SEZ6L: variants seen among roughly 807,000 people sequenced by gnomAD.
The protein encoded by SEZ6L is seizure related 6 homolog like.
Under a neutral mutation model 106.2 loss-of-function variants are expected in SEZ6L, and 37 were observed. The ratio of observed to expected loss-of-function variants is 0.35; its 90% CI spans 0.27 to 0.46. The LOEUF is 0.46. SEZ6L is among the 20% of genes least tolerant of loss of function. The probability of loss-of-function intolerance (pLI) is 1.00; values close to 1 mark genes in which losing one functional copy is unlikely to be tolerated. For synonymous variants in SEZ6L, 541 were observed against 570.4 expected (o/e 0.95, Z 0.73); for missense variants, 1,172 against 1,332.8 (o/e 0.88, Z 1.88).
chr22:26,365,502 A>C lies in SEZ6L; in HGVS notation c.2730A>C (p.Glu910Asp). 3 of 1,614,192 alleles carry C rather than the reference A, an allele frequency of 1.9e-6. No individual in the cohort carries two copies. The highest frequency in any genetic ancestry group is 2.5e-6 in the Non-Finnish European group (3 of 1,180,028). Residue 910 changes from glutamate (E) to aspartate (D), a missense_variant, in exon 13 of 17, where the codon GAA (glutamate) becomes GAC (aspartate). Transcript: ENST00000248933. ...MCYEGFELMGEVTIRCILGQP... is the reference protein window; with the variant it reads ...MCYEGFELMGDVTIRCILGQP... ...ACGAAGGCTTTGAGCTCATGGGTGA[A>C]GTGACCATCCGCTGCATCCTGGGAC...
At chr22:26,245,102 G>T (rs973619683) in intron 1 of SEZ6L, among the ~76,000 whole-genome samples, 1 of 152,144 alleles carries the variant, frequency 6.6e-6, no homozygotes, top group Non-Finnish European at 1.5e-5. Context: ...TTGTTGGGGC[G>T]CTCTGGTTTC....
chr22:26,190,919 T>A (rs527725518), intron 1 of SEZ6L, among the ~76,000 whole-genome samples: 67 of 152,324 alleles, frequency 4.4e-4, no homozygotes, highest in Admixed American at 1.1e-3. Flanking sequence ...AGCAGATATG[T>A]TTCTCTCCAG....
intron 5 of SEZ6L, among the ~76,000 whole-genome samples, chr22:26,304,398 AAGAAAGAAAGAAAGAAAG>A (rs1208750901): frequency 6.6e-6 from 1 of 150,432 alleles, no homozygotes; most frequent in Non-Finnish European, 1.5e-5. Context: ...GAAAGAAAGA[AAGAAAGAAAGAAAGAAAG>A]AAAGAAAGAA....
chr22:26,365,861 ACT>A (rs1468364244), intron 13 of SEZ6L, among the ~76,000 whole-genome samples: 2 of 151,212 alleles, frequency 1.3e-5, no homozygotes, highest in African/African-American at 2.4e-5. Flanking sequence ...ACAGAACGAG[ACT>A]CTATCTCAAA....
chr22:26,357,640 T>A (rs1233746962), intron 12 of SEZ6L, among the ~76,000 whole-genome samples: 1 of 152,126 alleles, frequency 6.6e-6, no homozygotes, highest in Non-Finnish European at 1.5e-5. Context: ...AATTTTAAAA[T>A]ATATATATAG....
intron 1 of SEZ6L, among the ~76,000 whole-genome samples, chr22:26,178,120 T>G (rs1471046331): frequency 6.6e-6 from 1 of 152,228 alleles, no homozygotes; most frequent in East Asian, 1.9e-4. Flanking sequence ...TGGCGTCTAT[T>G]ACCCACATGG....
intron 1 of SEZ6L, among the ~76,000 whole-genome samples, chr22:26,266,378 G>GT (rs1227517709): frequency 4.7e-5 from 7 of 149,114 alleles, no homozygotes; most frequent in Admixed American, 2.7e-4. Context: ...GGCTAACACA[G>GT]TGAAACCCCG....
intron 1 of SEZ6L, among the ~76,000 whole-genome samples, chr22:26,287,850 A>G (rs1279049225): frequency 6.6e-6 from 1 of 152,190 alleles, no homozygotes; most frequent in African/African-American, 2.4e-5. Context: ...CTTGTGTATG[A>G]TTAAGGAAAA....
At chr22:26,343,192 T>C (rs2082898791) in intron 10 of SEZ6L, among the ~76,000 whole-genome samples, 1 of 152,154 alleles carries the variant, frequency 6.6e-6, no homozygotes, top group Non-Finnish European at 1.5e-5. Context: ...AGGAAGTCTC[T>C]GGTCTCCTGG....
At chr22:26,357,276 C>A (rs954692323) in intron 12 of SEZ6L, among the ~76,000 whole-genome samples, 17 of 152,128 alleles carry the variant, frequency 1.1e-4, no homozygotes, top group Non-Finnish European at 2.5e-4. Flanking sequence ...CCCACAGCAC[C>A]CCCTGTGAGT....
intron 9 of SEZ6L, among the ~76,000 whole-genome samples, chr22:26,314,808 C>A (rs925413337): frequency 2.0e-5 from 3 of 152,198 alleles, no homozygotes; most frequent in Non-Finnish European, 2.9e-5. Context: ...GAGAACCCCC[C>A]CTGGGAGGTC....
Position 26,332,677 on chromosome 22 carries a change from A to T in SEZ6L, c.2016-7759A>T, listed in dbSNP as rs538472138. On this transcript the variant is annotated intron_variant, in intron 9 of 16. Transcript: ENST00000248933. ...TGCCCAGGCAGGTCTTGAACTCCTG[A>T]ACTCAAGTGATCCTCCAGCCTTGGC... Among the ~76,000 whole-genome samples, 289 of 152,260 alleles carry T rather than the reference A, an allele frequency of 1.9e-3. 2 individuals carry two copies. Among genetic ancestry groups the T allele is most frequent in the African/African-American group, 6.5e-3 (272 of 41,528 alleles).
chr22:26,294,112 G>A (rs2081224029), intron 2 of SEZ6L, among the ~76,000 whole-genome samples, 180 bp from the exon 3 acceptor site: 1 of 152,194 alleles, frequency 6.6e-6, no homozygotes, highest in Non-Finnish European at 1.5e-5. Context: ...TGATCATTCT[G>A]TGTCAATTAT....
At chr22:26,256,746 C>T (rs545969346) in intron 1 of SEZ6L, among the ~76,000 whole-genome samples, 3 of 152,274 alleles carry the variant, frequency 2.0e-5, no homozygotes, top group South Asian at 2.1e-4. Context: ...CAGACCCTTC[C>T]GCAGACCCAC....
intron 1 of SEZ6L, among the ~76,000 whole-genome samples, chr22:26,219,396 A>C (rs2078396175): frequency 6.6e-6 from 1 of 152,076 alleles, no homozygotes; most frequent in South Asian, 2.1e-4. Flanking sequence ...TTTTTTTACA[A>C]AATCTGTTTT....
intron 1 of SEZ6L, among the ~76,000 whole-genome samples, chr22:26,188,385 G>T (rs1235619754): frequency 6.6e-6 from 1 of 152,210 alleles, no homozygotes; most frequent in Admixed American, 6.5e-5. Flanking sequence ...TCATCTCTGA[G>T]CCTCCAAGGG....
At chr22:26,358,560 G>A (rs1390580269) in intron 12 of SEZ6L, among the ~76,000 whole-genome samples, 1 of 152,110 alleles carries the variant, frequency 6.6e-6, no homozygotes, top group Non-Finnish European at 1.5e-5. Flanking sequence ...CTCCAGAAAT[G>A]TACATTTTCT....
chr22:26,194,476 C>G (rs1356574846), intron 1 of SEZ6L, among the ~76,000 whole-genome samples: 3 of 152,172 alleles, frequency 2.0e-5, no homozygotes, highest in Non-Finnish European at 4.4e-5. Context: ...CCTGGCGCTA[C>G]AGTCACTGGG....
At position 26,311,841 on chromosome 22, in the gene SEZ6L, C is replaced by T. The variant is rs1351917675; in HGVS notation, c.1755C>T (p.Asn585=). The T allele has an allele frequency of 6.2e-7, 1 of 1,614,204 alleles. No homozygotes were observed. The highest frequency in any genetic ancestry group is 8.5e-7 in the Non-Finnish European group (1 of 1,180,034). Residue 585 remains asparagine, a synonymous_variant, in exon 8 of 17, where the codon AAC becomes AAT. Coordinates refer to ENST00000248933, the MANE Select transcript of SEZ6L (RefSeq NM_021115.5). ...TCACTACATCCGACCCGACCTATAACATTGGGACTATAGTGGAGTTCACCT... is the reference window on the plus strand; with the variant it reads ...TCACTACATCCGACCCGACCTATAATATTGGGACTATAGTGGAGTTCACCT... The part of the protein sequence containing the change: ...GNFTTSDPTY[N]IGTIVEFTCD...
Sources: allele counts gnomAD v4.1 joint callset (sites outside exome capture counted in the v4.1 genomes callset), GRCh38; gene constraint gnomAD v4.1.1; transcripts MANE v1.5; gene names NCBI Gene and HGNC (gene_info 2026-07-23, HGNC 2026-07-21).